NR1I2: variants seen among roughly 807,000 people sequenced by gnomAD.
NR1I2 encodes the protein orphan nuclear receptor PAR1.
Under a neutral mutation model 43.3 loss-of-function variants are expected in NR1I2, and 42 were observed. The observed-to-expected ratio is 0.97, with a 90% CI of 0.76 to 1.26. The LOEUF (loss-of-function observed/expected upper bound fraction) is 1.26. NR1I2 is among the 50% of genes most tolerant of loss of function. The probability of loss-of-function intolerance (pLI) is 0.00; values close to 1 mark genes in which losing one functional copy is unlikely to be tolerated. For synonymous variants in NR1I2, 229 were observed against 215.0 expected (o/e 1.06, Z -0.57); for missense variants, 559 against 566.7 (o/e 0.99, Z 0.14).
Position 119,788,083 on chromosome 3 carries a change from C to T in NR1I2, c.-23+5783C>T, listed in dbSNP as rs371809171. On this transcript the variant is annotated intron_variant, in intron 1 of 8. Coordinates refer to ENST00000393716, the MANE Select transcript of NR1I2 (RefSeq NM_003889.4). ...TTTTCCTGGGAAGGAACTATCTCAC[C>T]CTCAAAGTACATTGACTTTTTAAAA... 3.7e-4 allele frequency among the ~76,000 whole-genome samples: 55 copies of T among 150,422 alleles called. No homozygotes were observed. The South Asian group carries it at 5.8e-3, about 16-fold the overall frequency.
At chr3:119,782,817 C>T (rs1203441634) in intron 1 of NR1I2, 1 of 1,614,174 alleles carries the variant, frequency 6.2e-7, no homozygotes, top group East Asian at 2.2e-5. Flanking sequence ...CTGCCATACC[C>T]CTGCACAGTG....
chr3:119,813,888 C>T (rs749837230), intron 5 of NR1I2, among the ~76,000 whole-genome samples: 1 of 152,138 alleles, frequency 6.6e-6, no homozygotes, highest in Non-Finnish European at 1.5e-5. Flanking sequence ...TTCTCAAGGC[C>T]ACCAATGTCG....
intron 1 of NR1I2, among the ~76,000 whole-genome samples, chr3:119,805,216 C>G (rs1439416654): frequency 1.3e-5 from 2 of 151,980 alleles, no homozygotes; most frequent in Non-Finnish European, 2.9e-5. Flanking sequence ...AGGGCATTTT[C>G]TCATGTCTAA....
At chr3:119,785,534 G>A (rs10934498) in intron 1 of NR1I2, among the ~76,000 whole-genome samples, 73,679 of 152,012 alleles carry the variant, frequency 0.48, 20,371 homozygotes, top group East Asian at 0.78. Context: ...TCCCTCCATG[G>A]TTTCTACTGA....
At chr3:119,815,907 C>T (rs1022473320) in intron 8 of NR1I2, 76 bp downstream of exon 8, 18 of 1,258,098 alleles carry the variant, frequency 1.4e-5, no homozygotes, top group Non-Finnish European at 2.0e-5. Context: ...CCCAAGACTT[C>T]ATGGCCAGAG....
At chr3:119,810,304 GAACACACGTGC>G in intron 3 of NR1I2, 110 bp downstream of exon 3, 6 of 1,456,708 alleles carry the variant, frequency 4.1e-6, no homozygotes, top group Non-Finnish European at 4.6e-6. Context: ...GTGTGCGCGT[GAACACACGTGC>G]ACATGTGAGC....
chr3:119,792,369 G>A, intron 1 of NR1I2: 4 of 1,380,858 alleles, frequency 2.9e-6, no homozygotes, highest in Non-Finnish European at 4.1e-6. Flanking sequence ...AGAAGCAGTG[G>A]AAGCCAAACA....
chr3:119,792,433 C>A, intron 1 of NR1I2: 1 of 1,179,680 alleles, frequency 8.5e-7, no homozygotes, highest in Non-Finnish European at 1.3e-6. Flanking sequence ...CTGCAGGGGA[C>A]GGCCTGATGG....
In NR1I2 at chr3:119,817,411, T is replaced by C. The variant is rs891293887; in HGVS notation, c.*199T>C. 179 of 1,447,958 alleles carry C rather than the reference T, an allele frequency of 1.2e-4. No individual in the cohort carries two copies. The highest frequency in any genetic ancestry group is 1.6e-4 in the Non-Finnish European group (176 of 1,100,548). 89.7% of individuals were successfully genotyped at this position (1,447,958 alleles called of 1,614,324 possible). Reference sequence around the variant, plus strand: ...GGTGCCCCCCACCCCCAGTTCAGTCTGTAGGGAGTGAAGCCACAGACTCTT... The same window carrying C: ...GGTGCCCCCCACCCCCAGTTCAGTCCGTAGGGAGTGAAGCCACAGACTCTT... On this transcript the variant is annotated 3_prime_UTR_variant, in exon 9 of 9. Transcript: ENST00000393716.
At chr3:119,787,690 T>C (rs2054860378) in intron 1 of NR1I2, among the ~76,000 whole-genome samples, 1 of 148,020 alleles carries the variant, frequency 6.8e-6, no homozygotes, top group Non-Finnish European at 1.5e-5. Context: ...TGTGTGTGTG[T>C]GTGTGTGTGT....
chr3:119,817,403 G>T lies in NR1I2; in HGVS notation c.*191G>T. ...AGGACATGGGTGCCCCCCACCCCCA[G>T]TTCAGTCTGTAGGGAGTGAAGCCAC... On this transcript the variant is annotated 3_prime_UTR_variant, in exon 9 of 9. Coordinates refer to ENST00000393716, the MANE Select transcript of NR1I2 (RefSeq NM_003889.4). 3.4e-6 allele frequency: 5 copies of T among 1,465,638 alleles called. No individual in the cohort carries two copies. The South Asian group carries it at 6.7e-5, about 20-fold the overall frequency. 90.8% of individuals were successfully genotyped at this position (1,465,638 alleles called of 1,614,324 possible).
chr3:119,791,995 C>A, intron 1 of NR1I2: 2 of 701,612 alleles, frequency 2.9e-6, no homozygotes, highest in East Asian at 5.3e-5. Flanking sequence ...TTTCTCATAC[C>A]ATGGGTACAG....
chr3:119,791,847 G>T (rs926124901), intron 1 of NR1I2: 7 of 556,912 alleles, frequency 1.3e-5, no homozygotes, highest in African/African-American at 5.6e-5. Context: ...TGAGTCCATC[G>T]GCAAGTTTGG....
In NR1I2 at chr3:119,810,116, G is replaced by C. The variant is rs1462533648; in HGVS notation, c.253G>C (p.Glu85Gln). 5.0e-6 allele frequency: 8 copies of C among 1,613,544 alleles called. No homozygotes were observed. In the African/African-American group the frequency reaches 6.7e-5, roughly 13 times the overall value. Residue 85 changes from glutamate (E) to glutamine (Q), a missense_variant, in exon 3 of 9, where the codon GAG becomes CAG. Transcript: ENST00000393716. The stretch of plus-strand genomic sequence containing the variant: ...GTGCCCCTTCCGGAAGGGCGCCTGC[G>C]AGATCACCCGGAAGACCCGGCGACA...
chr3:119,784,457 A>C (rs1193055127), intron 1 of NR1I2, among the ~76,000 whole-genome samples: 3 of 151,686 alleles, frequency 2.0e-5, no homozygotes, highest in Non-Finnish European at 4.4e-5. Flanking sequence ...AAATTATTTG[A>C]TATGTGTGTA....
chr3:119,816,942 G>T, intron 8 of NR1I2, 126 bp from the exon 9 acceptor site: 1 of 1,282,036 alleles, frequency 7.8e-7, no homozygotes, highest in Admixed American at 1.8e-5. Context: ...ACGGAATTCA[G>T]CCAAGCCTTG....
At position 119,804,561 on chromosome 3, in the gene NR1I2, C is replaced by G. The variant is rs2055125901; in HGVS notation, c.-22-2668C>G. On this transcript the variant is annotated intron_variant, in intron 1 of 8. Transcript: ENST00000393716. ...CTGGGTTTGAGCGATTCTCCTGGCT[C>G]AGTCTCTCAAGTAGCTGGGATTATA... Among the ~76,000 whole-genome samples the G allele has an allele frequency of 2.0e-5, 3 of 150,658 alleles. 1 individual carries two copies. In the South Asian group the frequency reaches 6.3e-4, roughly 32 times the overall value.
intron 3 of NR1I2, chr3:119,811,324 C>T: frequency 1.8e-6 from 1 of 554,800 alleles, no homozygotes; most frequent in South Asian, 2.5e-5. Context: ...GAGGGCAAAA[C>T]ACCAGCCTCA....
In NR1I2 at chr3:119,808,729, G is replaced by A. The variant is rs566463304; in HGVS notation, c.197+1282G>A. 1.5e-3 allele frequency among the ~76,000 whole-genome samples: 225 copies of A among 152,322 alleles called. 1 individual carries two copies. The highest frequency in any genetic ancestry group is 5.1e-3 in the African/African-American group (211 of 41,566). On this transcript the variant is annotated intron_variant, in intron 2 of 8. Transcript: ENST00000393716. Reference sequence around the variant, plus strand: ...TTGTCATGTACCTGGAGGACAGCTGGGGATCCATCGTCTCCAAGCCTCAGT... The same window carrying A: ...TTGTCATGTACCTGGAGGACAGCTGAGGATCCATCGTCTCCAAGCCTCAGT...
Sources: allele counts gnomAD v4.1 joint callset (sites outside exome capture counted in the v4.1 genomes callset), GRCh38; gene constraint gnomAD v4.1.1; transcripts MANE v1.5; gene names NCBI Gene and HGNC (gene_info 2026-07-23, HGNC 2026-07-21).